Variants in PDE1A observed in about 807,000 individuals in gnomAD.
PDE1A encodes phosphodiesterase 1A.
A neutral mutation model predicts 61.7 loss-of-function variants in PDE1A; 35 were observed. That is an observed-to-expected ratio of 0.57 (90% CI 0.43 to 0.75). The LOEUF is 0.75. Among genes scored for constraint, PDE1A ranks in the 30% least tolerant of loss-of-function variants. The probability of loss-of-function intolerance (pLI) is 0.00; values close to 1 mark genes in which losing one functional copy is unlikely to be tolerated. For synonymous variants in PDE1A, 232 were observed against 213.2 expected (o/e 1.09, Z -0.77); for missense variants, 597 against 630.6 (o/e 0.95, Z 0.57).
chr2:182,184,028 A>AAGAAAGAAAGAG (rs1269461352), intron 13 of PDE1A, among the ~76,000 whole-genome samples: 1 of 105,416 alleles, frequency 9.5e-6, no homozygotes, highest in African/African-American at 3.2e-5. Context: ...GAAAGAAAGA[A>AAGAAAGAAAGAG]AGAAAGAAAG....
At chr2:182,631,086 C>CT in the PDE1A span, among the ~76,000 whole-genome samples, 3 of 151,878 alleles carry the variant, frequency 2.0e-5, no homozygotes, top group Admixed American at 2.0e-4. Flanking sequence ...CTGAGAAGTC[C>CT]TACAATCTGC....
chr2:182,422,896 A>T (rs1703370247), intron 1 of PDE1A, among the ~76,000 whole-genome samples: 1 of 152,194 alleles, frequency 6.6e-6, no homozygotes, highest in South Asian at 2.1e-4. Context: ...AGTATTATTG[A>T]TTGAAAATAT....
intron 2 of PDE1A, among the ~76,000 whole-genome samples, chr2:182,511,557 A>G (rs1433609655): frequency 6.6e-6 from 1 of 152,190 alleles, no homozygotes; most frequent in Non-Finnish European, 1.5e-5. Flanking sequence ...AAGCCTGCAC[A>G]GAGCCTGAAG....
At chr2:182,711,436 CA>C in the PDE1A span, among the ~76,000 whole-genome samples, 1 of 151,866 alleles carries the variant, frequency 6.6e-6, no homozygotes, top group Non-Finnish European at 1.5e-5. Context: ...TGTAAACTCA[CA>C]GTTTTATACA....
intron 2 of PDE1A, among the ~76,000 whole-genome samples, chr2:182,502,023 C>T (rs1018026088): frequency 6.6e-6 from 1 of 152,148 alleles, no homozygotes; most frequent in Non-Finnish European, 1.5e-5. Flanking sequence ...AATACGACAC[C>T]GCTGGCAGGC....
chr2:182,603,793 A>T, the PDE1A span, among the ~76,000 whole-genome samples: 1 of 152,218 alleles, frequency 6.6e-6, no homozygotes, highest in Non-Finnish European at 1.5e-5. Context: ...CAGGTCAACA[A>T]GAAACATTAT....
At chr2:182,402,284 G>A (rs905545582) in intron 1 of PDE1A, among the ~76,000 whole-genome samples, 1 of 152,110 alleles carries the variant, frequency 6.6e-6, no homozygotes, top group African/African-American at 2.4e-5. Context: ...ATACTACAAG[G>A]CTACAGTAAC....
At chr2:182,231,942 A>C (rs1336136292) in intron 4 of PDE1A, among the ~76,000 whole-genome samples, 1 of 152,146 alleles carries the variant, frequency 6.6e-6, no homozygotes, top group Admixed American at 6.6e-5. Flanking sequence ...AGATAGAAAA[A>C]TATGTAAATA....
chr2:182,503,640 T>G (rs1235534925), intron 2 of PDE1A, among the ~76,000 whole-genome samples: 1 of 152,128 alleles, frequency 6.6e-6, no homozygotes, highest in Non-Finnish European at 1.5e-5. Context: ...CACTCACTAT[T>G]CACTTCATTA....
At chr2:182,700,309 C>T in the PDE1A span, among the ~76,000 whole-genome samples, 1 of 152,184 alleles carries the variant, frequency 6.6e-6, no homozygotes, top group East Asian at 1.9e-4. Flanking sequence ...CGGTGGCTCA[C>T]GCCTATAAAC....
chr2:182,289,833 C>T (rs1271541268), intron 1 of PDE1A, among the ~76,000 whole-genome samples: 1 of 151,840 alleles, frequency 6.6e-6, no homozygotes, highest in Non-Finnish European at 1.5e-5. Flanking sequence ...TAAATAAAAT[C>T]AGTGATGATT....
At chr2:182,256,038 C>CTTTTTTTTTTTTT (rs755211798) in intron 2 of PDE1A, among the ~76,000 whole-genome samples, 17 of 92,324 alleles carry the variant, frequency 1.8e-4, no homozygotes, top group East Asian at 1.0e-3. Context: ...AGGATGACTT[C>CTTTTTTTTTTTTT]TTTTTTTTTT....
chr2:182,178,660 G>C (rs764702862), intron 13 of PDE1A, among the ~76,000 whole-genome samples: 6 of 152,088 alleles, frequency 3.9e-5, no homozygotes, highest in Non-Finnish European at 8.8e-5. Context: ...AGCATGCAAG[G>C]AATAGAGGAG....
At chr2:182,264,553 AT>A (rs377522355) in intron 1 of PDE1A, 139 bp from the exon 2 acceptor site, 628 of 571,254 alleles carry the variant, frequency 1.1e-3, no homozygotes, top group South Asian at 2.1e-3. Flanking sequence ...TTATTTTCAG[AT>A]TTTTTTTTGA....
intron 2 of PDE1A, among the ~76,000 whole-genome samples, chr2:182,262,955 A>ATGTGTGTGTG (rs60469609): frequency 0.033 from 4,846 of 147,220 alleles, 90 homozygotes; most frequent in East Asian, 0.06. Context: ...TTATTAAACA[A>ATGTGTGTGTG]TGTGTGTGTG....
the PDE1A span, among the ~76,000 whole-genome samples, chr2:182,547,949 G>T: frequency 6.6e-6 from 1 of 152,096 alleles, no homozygotes; most frequent in Non-Finnish European, 1.5e-5. Flanking sequence ...TCGAGAAACC[G>T]AGAAGTAGGG....
chr2:182,471,885 T>C (rs1687051736), intron 2 of PDE1A, among the ~76,000 whole-genome samples: 2 of 151,756 alleles, frequency 1.3e-5, no homozygotes, highest in African/African-American at 4.8e-5. Context: ...AATAATCCCA[T>C]TTAAAACTGG....
At chr2:182,321,228 GAATTCCAA>G (rs1381269482) in intron 1 of PDE1A, among the ~76,000 whole-genome samples, 7 of 152,130 alleles carry the variant, frequency 4.6e-5, no homozygotes, top group Non-Finnish European at 8.8e-5. Flanking sequence ...CCTTCTGACT[GAATTCCAA>G]TTCATGAGAT....
At chr2:182,198,823 T>C (rs1686361287) in intron 10 of PDE1A, among the ~76,000 whole-genome samples, 1 of 151,966 alleles carries the variant, frequency 6.6e-6, no homozygotes, top group Non-Finnish European at 1.5e-5. Flanking sequence ...TCGAGAATTA[T>C]GCTGTCAAAT....
Sources: allele counts gnomAD v4.1 joint callset (sites outside exome capture counted in the v4.1 genomes callset), GRCh38; gene constraint gnomAD v4.1.1; transcripts MANE v1.5; gene names NCBI Gene and HGNC (gene_info 2026-07-23, HGNC 2026-07-21).